SDCCAG8: variants seen among roughly 807,000 people sequenced by gnomAD.
SDCCAG8 encodes the protein SHH signaling and ciliogenesis regulator SDCCAG8, also known as serologically defined colon cancer antigen 8.
A neutral mutation model predicts 101.8 loss-of-function variants in SDCCAG8; 74 were observed. The observed-to-expected ratio is 0.73, with a 90% CI of 0.60 to 0.88. The LOEUF is 0.88. SDCCAG8 is among the 40% of genes least tolerant of loss of function. The pLI is 0.00. For missense variants in SDCCAG8, 787 were observed against 822.6 expected (o/e 0.96, Z 0.53); for synonymous variants, 281 against 292.9 (o/e 0.96, Z 0.41).
intron 16 of SDCCAG8, among the ~76,000 whole-genome samples, chr1:243,485,161 C>A (rs536604256): frequency 1.5e-3 from 227 of 152,256 alleles, no homozygotes; most frequent in African/African-American, 5.2e-3. Flanking sequence ...CACTTGGGCG[C>A]TGGCTCGATT....
At position 243,330,388 on chromosome 1, in the gene SDCCAG8, A is replaced by G; in HGVS notation, c.1069-152A>G. On this transcript the variant is annotated intron_variant, in intron 9 of 17. Transcript: ENST00000366541. ...AACATTTGGATACTCTTTTAGGTCA[A>G]TAAGTGGTATTGATAAACAATAAAA... is the stretch of plus-strand genomic sequence containing the variant. 3 of 692,582 alleles carry G rather than the reference A, an allele frequency of 4.3e-6. No homozygotes were observed. In the South Asian group the frequency reaches 5.6e-5, roughly 13 times the overall value. The allele number at this position is 692,582 out of a possible 1,614,324, so 42.9% of individuals were successfully genotyped here.
chr1:243,383,435 G>T lies in SDCCAG8; in HGVS notation c.1616+4572G>T, dbSNP rs147553234. Among the ~76,000 whole-genome samples the T allele has an allele frequency of 2.8e-3, 426 of 152,314 alleles. 2 individuals carry two copies. Among genetic ancestry groups the T allele is most frequent in the African/African-American group, 9.7e-3 (402 of 41,564 alleles). ...TTTCCTTCCAGTTCTGATAATCAATGATTCTAATAATGATTTAAGACAACC... is the reference window on the plus strand; with the variant it reads ...TTTCCTTCCAGTTCTGATAATCAATTATTCTAATAATGATTTAAGACAACC... On this transcript the variant is annotated intron_variant, in intron 13 of 17. Transcript: ENST00000366541.
At chr1:243,307,002 G>A (rs917966752) in intron 7 of SDCCAG8, among the ~76,000 whole-genome samples, 1 of 151,800 alleles carries the variant, frequency 6.6e-6, no homozygotes, top group South Asian at 2.1e-4. Context: ...AGTAGACAGA[G>A]ATGGAGATAA....
At chr1:243,317,175 G>A (rs1374538178) in intron 9 of SDCCAG8, among the ~76,000 whole-genome samples, 3 of 152,088 alleles carry the variant, frequency 2.0e-5, no homozygotes, top group African/African-American at 2.4e-5. Context: ...CTGATAATTT[G>A]CAATGCTGCA....
Position 243,413,164 on chromosome 1 carries a change from A to C in SDCCAG8, c.1617-2538A>C, listed in dbSNP as rs185291884. Reference sequence around the variant, plus strand: ...TGTTTTATTTTATAAAAAGGACTTCAATTATGACAGTAGTTCTTTTCTATA... The same window carrying C: ...TGTTTTATTTTATAAAAAGGACTTCCATTATGACAGTAGTTCTTTTCTATA... On this transcript the variant is annotated intron_variant, in intron 13 of 17. Coordinates refer to ENST00000366541, the MANE Select transcript of SDCCAG8 (RefSeq NM_006642.5). 4.6e-5 allele frequency among the ~76,000 whole-genome samples: 7 copies of C among 152,320 alleles called. No individual in the cohort carries two copies. The East Asian group carries it at 1.2e-3, about 25-fold the overall frequency.
intron 1 of SDCCAG8, among the ~76,000 whole-genome samples, chr1:243,265,333 T>C (rs1382067224): frequency 1.3e-5 from 2 of 152,226 alleles, no homozygotes; most frequent in East Asian, 1.9e-4. Flanking sequence ...CTGAAATCAG[T>C]AGTTGCAAAC....
intron 4 of SDCCAG8, among the ~76,000 whole-genome samples, chr1:243,275,516 T>C (rs2068467581): frequency 6.6e-6 from 1 of 152,202 alleles, no homozygotes; most frequent in Admixed American, 6.5e-5. Flanking sequence ...TCTTAACATG[T>C]AATTTCCTGT....
At chr1:243,455,422 A>G (rs1471512061) in intron 16 of SDCCAG8, among the ~76,000 whole-genome samples, 2 of 152,164 alleles carry the variant, frequency 1.3e-5, no homozygotes, top group Non-Finnish European at 2.9e-5. Context: ...GGTGTCGGCT[A>G]CCATGCCCAA....
chr1:243,361,915 T>G (rs562209116), intron 12 of SDCCAG8, among the ~76,000 whole-genome samples: 2 of 152,386 alleles, frequency 1.3e-5, no homozygotes, highest in South Asian at 4.1e-4. Flanking sequence ...GACAGAGACT[T>G]TTACTTGTCT....
At chr1:243,334,988 C>T (rs1368096482) in intron 10 of SDCCAG8, among the ~76,000 whole-genome samples, 2 of 152,094 alleles carry the variant, frequency 1.3e-5, no homozygotes, top group East Asian at 3.9e-4. Flanking sequence ...AAATTCATGT[C>T]GAATAGCTTG....
chr1:243,413,728 A>G (rs908929817), intron 13 of SDCCAG8, among the ~76,000 whole-genome samples: 3 of 152,144 alleles, frequency 2.0e-5, no homozygotes, highest in Non-Finnish European at 2.9e-5. Flanking sequence ...GGGGTTGCAG[A>G]GCCCCAGATT....
Position 243,330,705 on chromosome 1 carries a change from T to C in SDCCAG8, c.1221+13T>C. 1.2e-6 allele frequency: 2 copies of C among 1,613,938 alleles called. No homozygotes were observed. Among genetic ancestry groups the C allele is most frequent in the Non-Finnish European group, 1.7e-6 (2 of 1,179,816 alleles). ...CATGGGATCAAAGGTACTTAAGGAC[T>C]CTGCTGTTATCCACATTGCAGAAGA... is the stretch of plus-strand genomic sequence containing the variant. On this transcript the variant is annotated intron_variant, in intron 10 of 17. Transcript: ENST00000366541.
In SDCCAG8 at chr1:243,330,611, A is replaced by G; in HGVS notation, c.1140A>G (p.Ala380=). Residue 380 remains alanine (A), a synonymous_variant, in exon 10 of 18, where the codon GCA becomes GCG. Transcript: ENST00000366541. ...CGGAGCGACTTGAAAAAGAACTTGC[A>G]TCTCAGCAAGAGAAAAGGGCCATTG... ...RQAERLEKEL[A]SQQEKRAIEK... The G allele has an allele frequency of 1.2e-6, 2 of 1,614,042 alleles. No individual in the cohort carries two copies. The highest frequency in any genetic ancestry group is 2.2e-5 in the South Asian group (2 of 91,068).
chr1:243,338,005 C>T (rs1207321833), intron 10 of SDCCAG8, among the ~76,000 whole-genome samples: 1 of 152,062 alleles, frequency 6.6e-6, no homozygotes, highest in African/African-American at 2.4e-5. Context: ...ATCGTATCCT[C>T]AAACTACTTG....
In SDCCAG8 at chr1:243,292,970, G is replaced by T. The variant is rs2149295403; in HGVS notation, c.547-121G>T. The T allele has an allele frequency of 2.6e-6, 3 of 1,147,862 alleles. 1 individual carries two copies. In the South Asian group the frequency reaches 3.9e-5, roughly 15 times the overall value. 71.1% of individuals were successfully genotyped at this position (1,147,862 alleles called of 1,614,324 possible). ...GAAAATGTGAAGTGATTCTTGACCT[G>T]TAGTGTAGAAGCATATGCTTTTTCT... On this transcript the variant is annotated intron_variant, in intron 5 of 17. Transcript: ENST00000366541.
At chr1:243,386,768 T>TGAGAGAGAGAGA (rs112662776) in intron 13 of SDCCAG8, among the ~76,000 whole-genome samples, 7 of 143,374 alleles carry the variant, frequency 4.9e-5, no homozygotes, top group African/African-American at 1.8e-4. Context: ...AGAAAGAAAG[T>TGAGAGAGAGAGA]GAGAGAGAGA....
intron 9 of SDCCAG8, among the ~76,000 whole-genome samples, chr1:243,325,158 A>G (rs2074057531): frequency 2.6e-5 from 4 of 152,214 alleles, no homozygotes; most frequent in Admixed American, 2.6e-4. Context: ...ATGACCATTT[A>G]CGTCTTAATT....
intron 17 of SDCCAG8, among the ~76,000 whole-genome samples, chr1:243,494,108 AACAGCAAAT>A (rs1169439571): frequency 6.6e-6 from 1 of 152,224 alleles, no homozygotes; most frequent in African/African-American, 2.4e-5. Context: ...GCTTGAATAG[AACAGCAAAT>A]ACATTGAATA....
At chr1:243,452,600 T>A (rs2083454819) in intron 16 of SDCCAG8, among the ~76,000 whole-genome samples, 2 of 151,620 alleles carry the variant, frequency 1.3e-5, no homozygotes, top group Non-Finnish European at 2.9e-5. Flanking sequence ...TATATATATG[T>A]ATATATTTTA....
Sources: allele counts gnomAD v4.1 joint callset (sites outside exome capture counted in the v4.1 genomes callset), GRCh38; gene constraint gnomAD v4.1.1; transcripts MANE v1.5; gene names NCBI Gene and HGNC (gene_info 2026-07-23, HGNC 2026-07-21).